The following EYS variants were observed in gnomAD, a reference collection of about 807,000 sequenced individuals.
EYS encodes the protein EGF-like photoreceptor maintenance factor.
A neutral mutation model predicts 282.1 loss-of-function variants in EYS; 250 were observed. The observed-to-expected ratio is 0.89, with a 90% CI of 0.80 to 0.98. The LOEUF (loss-of-function observed/expected upper bound fraction) is 0.98, where lower values mean the gene tolerates loss of function less well. Among genes scored for constraint, EYS ranks in the 50% least tolerant of loss-of-function variants. EYS has a pLI of 0.00. For missense variants in EYS, 4,016 were observed against 3,709.0 expected (o/e 1.08, Z -2.15); for synonymous variants, 1,355 against 1,282.9 (o/e 1.06, Z -1.20).
At chr6:64,628,497 T>C (rs1767680851) in intron 22 of EYS, among the ~76,000 whole-genome samples, 1 of 152,120 alleles carries the variant, frequency 6.6e-6, no homozygotes, top group South Asian at 2.1e-4. Context: ...CTCACTGTAA[T>C]ATAAAACTCA....
At chr6:64,489,020 T>C (rs1038499886) in intron 26 of EYS, among the ~76,000 whole-genome samples, 2 of 151,014 alleles carry the variant, frequency 1.3e-5, no homozygotes, top group Admixed American at 6.6e-5. Context: ...ACATTTTTCA[T>C]TATGTTATGG....
chr6:64,990,617 C>G (rs1488171988), intron 14 of EYS, among the ~76,000 whole-genome samples: 1 of 151,554 alleles, frequency 6.6e-6, no homozygotes, highest in East Asian at 1.9e-4. Context: ...AAAGTGCTGA[C>G]TTTTGTTAGA....
intron 26 of EYS, among the ~76,000 whole-genome samples, chr6:64,450,865 G>T (rs1334573374): frequency 6.6e-6 from 1 of 152,140 alleles, no homozygotes; most frequent in Non-Finnish European, 1.5e-5. Context: ...GCAGTGTATA[G>T]AGGGAAATTT....
intron 26 of EYS, among the ~76,000 whole-genome samples, chr6:64,509,075 T>A (rs1369029943): frequency 6.6e-6 from 1 of 152,120 alleles, no homozygotes; most frequent in Non-Finnish European, 1.5e-5. Flanking sequence ...TGTTCACATA[T>A]TTTGAAAGAA....
At chr6:64,931,322 A>T (rs1391949394) in intron 15 of EYS, among the ~76,000 whole-genome samples, 5 of 152,168 alleles carry the variant, frequency 3.3e-5, no homozygotes, top group African/African-American at 9.6e-5. Flanking sequence ...ACTCTTCTTT[A>T]CAATGTTTAT....
chr6:64,220,660 G>A (rs904049878), intron 31 of EYS, among the ~76,000 whole-genome samples: 3 of 152,154 alleles, frequency 2.0e-5, no homozygotes, highest in Non-Finnish European at 4.4e-5. Flanking sequence ...CTCGAACAGA[G>A]AAAATACTGA....
intron 35 of EYS, among the ~76,000 whole-genome samples, chr6:63,872,481 T>TTTTG (rs1772835328): frequency 1.4e-5 from 2 of 148,132 alleles, no homozygotes; most frequent in African/African-American, 2.5e-5. Context: ...AATATGGTTT[T>TTTTG]TTTTTTTTTT....
intron 1 of EYS, among the ~76,000 whole-genome samples, chr6:65,643,262 C>A (rs1487081581): frequency 6.6e-6 from 1 of 152,126 alleles, no homozygotes; most frequent in Non-Finnish European, 1.5e-5. Context: ...CGACTGCTGA[C>A]TTTCCCCCAC....
intron 12 of EYS, among the ~76,000 whole-genome samples, chr6:65,062,045 A>G (rs1014672248): frequency 3.3e-5 from 5 of 151,690 alleles, no homozygotes; most frequent in Non-Finnish European, 7.4e-5. Context: ...ATATTTTTCT[A>G]CCTATTCATG....
chr6:63,964,754 T>C (rs1482760551), intron 35 of EYS, among the ~76,000 whole-genome samples: 1 of 152,210 alleles, frequency 6.6e-6, no homozygotes, highest in Non-Finnish European at 1.5e-5. Flanking sequence ...CCTCATACTT[T>C]CCTCTTGTTA....
Position 65,076,734 on chromosome 6 carries a change from TC to T in EYS, c.2024-19008del, listed in dbSNP as rs1774064656. The stretch of plus-strand genomic sequence containing the variant: ...CATATATATACATTCTCTCTCCTCC[TC>T]TCATGGTAATCTAAGAGGCATGCTG... On this transcript the variant is annotated intron_variant, in intron 12 of 42. Transcript: ENST00000503581. 3.3e-5 allele frequency among the ~76,000 whole-genome samples: 5 copies of T among 151,650 alleles called. No individual in the cohort carries two copies. The Admixed American group carries it at 3.3e-4, about 10-fold the overall frequency.
At chr6:64,870,005 C>T (rs1766542236) in intron 19 of EYS, among the ~76,000 whole-genome samples, 1 of 151,508 alleles carries the variant, frequency 6.6e-6, no homozygotes, top group Non-Finnish European at 1.5e-5. Context: ...AAAAAAAAGA[C>T]ATCTAAGATG....
At chr6:65,401,649 A>G (rs1012844068) in intron 7 of EYS, among the ~76,000 whole-genome samples, 2 of 150,378 alleles carry the variant, frequency 1.3e-5, no homozygotes, top group African/African-American at 5.0e-5. Context: ...AGGTTAATTT[A>G]AAAAAAATCT....
chr6:65,031,305 A>G (rs1412269615), intron 13 of EYS, among the ~76,000 whole-genome samples: 1 of 151,896 alleles, frequency 6.6e-6, no homozygotes, highest in Non-Finnish European at 1.5e-5. Flanking sequence ...CCTCACTTAA[A>G]GTATTAGAGA....
intron 19 of EYS, among the ~76,000 whole-genome samples, chr6:64,872,498 C>A (rs1249606407): frequency 5.3e-5 from 8 of 151,938 alleles, no homozygotes; most frequent in Admixed American, 5.3e-4. Flanking sequence ...GGATCCAGCC[C>A]AAAGTTTCTG....
At chr6:64,732,929 A>G (rs980235048) in intron 22 of EYS, among the ~76,000 whole-genome samples, 1 of 152,168 alleles carries the variant, frequency 6.6e-6, no homozygotes, top group Non-Finnish European at 1.5e-5. Flanking sequence ...CTAAAACACT[A>G]GGTAATCTAA....
intron 5 of EYS, among the ~76,000 whole-genome samples, chr6:65,434,384 A>T (rs1004474705): frequency 3.3e-5 from 5 of 150,658 alleles, no homozygotes; most frequent in Admixed American, 6.6e-5. Context: ...GCAGTGGTGC[A>T]ATCTCGGCTC....
intron 25 of EYS, among the ~76,000 whole-genome samples, chr6:64,592,268 A>G (rs1172170738): frequency 6.6e-6 from 1 of 152,072 alleles, no homozygotes. Context: ...CAACTAAATG[A>G]CTCCTTTGAA....
At chr6:64,282,408 T>C (rs1350795263) in intron 30 of EYS, among the ~76,000 whole-genome samples, 2 of 152,284 alleles carry the variant, frequency 1.3e-5, no homozygotes, top group South Asian at 4.1e-4. Flanking sequence ...AACAAAGCCC[T>C]ATCAGGAGTG....
Sources: allele counts gnomAD v4.1 joint callset (sites outside exome capture counted in the v4.1 genomes callset), GRCh38; gene constraint gnomAD v4.1.1; transcripts MANE v1.5; gene names NCBI Gene and HGNC (gene_info 2026-07-23, HGNC 2026-07-21).